Variants in BAZ2B observed in about 807,000 individuals in gnomAD.
The protein encoded by BAZ2B is bromodomain adjacent to zinc finger domain 2B.
A neutral mutation model predicts 246.0 loss-of-function variants in BAZ2B; 91 were observed. The ratio of observed to expected loss-of-function variants is 0.37; its 90% confidence interval spans 0.31 to 0.44. The LOEUF (loss-of-function observed/expected upper bound fraction) is 0.44, where lower values mean the gene tolerates loss of function less well. Among genes scored for constraint, BAZ2B ranks in the 20% least tolerant of loss-of-function variants. The pLI is 1.00. For synonymous variants in BAZ2B, 855 were observed against 860.0 expected (o/e 0.99, Z 0.10); for missense variants, 2,332 against 2,533.7 (o/e 0.92, Z 1.71).
chr2:159,402,116 A>G (rs1042520658), intron 16 of BAZ2B, among the ~76,000 whole-genome samples: 1 of 152,196 alleles, frequency 6.6e-6, no homozygotes, highest in African/African-American at 2.4e-5. Flanking sequence ...TGATCTTATC[A>G]TGGTACTGAA....
In BAZ2B at chr2:159,484,251, A is replaced by C. The variant is rs888456723; in HGVS notation, c.-2-5530T>G. Among the ~76,000 whole-genome samples the C allele has an allele frequency of 2.0e-5, 3 of 152,232 alleles. No individual in the cohort carries two copies. In the South Asian group the frequency reaches 6.2e-4, roughly 32 times the overall value. ...GTATTATTTGAAATTCAACTAGCTA[A>C]AACTTTAATAGTAATTCTATATAAC... On this transcript the variant is annotated intron_variant, in intron 2 of 36. Transcript: ENST00000392783.
chr2:159,337,226 G>T, intron 32 of BAZ2B, 149 bp from the exon 33 acceptor site: 1 of 1,106,008 alleles, frequency 9.0e-7, no homozygotes, highest in Non-Finnish European at 1.3e-6. Context: ...TTGATGTAGT[G>T]CACAGACTGT....
chr2:159,493,392 C>T (rs1327333491), intron 2 of BAZ2B, among the ~76,000 whole-genome samples: 1 of 152,194 alleles, frequency 6.6e-6, no homozygotes, highest in East Asian at 1.9e-4. Context: ...GAAATCCTCT[C>T]ACTTAGTGAG....
the BAZ2B span, among the ~76,000 whole-genome samples, chr2:159,652,299 TC>T: frequency 2.6e-5 from 4 of 151,440 alleles, no homozygotes. Context: ...AACCTCCACC[TC>T]CCGGATTCAA....
chr2:159,586,974 T>G (rs1046812457), intron 1 of BAZ2B, among the ~76,000 whole-genome samples: 11 of 152,164 alleles, frequency 7.2e-5, no homozygotes, highest in African/African-American at 2.7e-4. Context: ...TAGACATACC[T>G]TCCTAAAACC....
intron 1 of BAZ2B, among the ~76,000 whole-genome samples, chr2:159,585,591 G>A (rs1042423664): frequency 6.6e-6 from 1 of 152,146 alleles, no homozygotes; most frequent in African/African-American, 2.4e-5. Flanking sequence ...GCAAATAATG[G>A]TTAAAAGCCA....
chr2:159,429,624 G>C (rs893122362), intron 10 of BAZ2B, among the ~76,000 whole-genome samples: 1 of 152,016 alleles, frequency 6.6e-6, no homozygotes, highest in African/African-American at 2.4e-5. Context: ...AGGAGTTTTT[G>C]GATGCTGAAA....
At chr2:159,566,384 G>A (rs1032974949) in intron 1 of BAZ2B, among the ~76,000 whole-genome samples, 1 of 152,172 alleles carries the variant, frequency 6.6e-6, no homozygotes, top group African/African-American at 2.4e-5. Flanking sequence ...GTGTAAAAAC[G>A]TCATGTACAG....
chr2:159,440,203 T>A (rs959522429), intron 6 of BAZ2B, among the ~76,000 whole-genome samples: 2 of 152,168 alleles, frequency 1.3e-5, no homozygotes, highest in Admixed American at 6.5e-5. Context: ...AACATTGAAA[T>A]GATGGAGCCA....
At chr2:159,603,888 A>G (rs1213802538) in intron 1 of BAZ2B, among the ~76,000 whole-genome samples, 1 of 152,216 alleles carries the variant, frequency 6.6e-6, no homozygotes, top group Non-Finnish European at 1.5e-5. Context: ...TAGGTTCATG[A>G]CACTAACCTG....
At chr2:159,607,989 G>A (rs543890810) in intron 1 of BAZ2B, among the ~76,000 whole-genome samples, 9 of 152,282 alleles carry the variant, frequency 5.9e-5, no homozygotes, top group African/African-American at 2.2e-4. Context: ...TATCAAATAT[G>A]TGCAATTCTG....
At chr2:159,698,559 G>T in the BAZ2B span, among the ~76,000 whole-genome samples, 3 of 149,056 alleles carry the variant, frequency 2.0e-5, no homozygotes, top group Non-Finnish European at 4.4e-5. Flanking sequence ...AGAATGTTTA[G>T]CCCTTTCTAG....
chr2:159,322,203 G>C (rs552098943), intron 36 of BAZ2B, among the ~76,000 whole-genome samples: 40 of 152,280 alleles, frequency 2.6e-4, no homozygotes, highest in South Asian at 2.5e-3. Context: ...TGTGCTCACA[G>C]AGTTAAGTCA....
the BAZ2B span, among the ~76,000 whole-genome samples, chr2:159,672,913 A>G: frequency 2.6e-5 from 4 of 152,222 alleles, no homozygotes; most frequent in African/African-American, 9.6e-5. Context: ...CAAAGAGTGA[A>G]AGAAAACATA....
At chr2:159,503,307 C>T (rs907544169) in intron 2 of BAZ2B, among the ~76,000 whole-genome samples, 4 of 152,088 alleles carry the variant, frequency 2.6e-5, no homozygotes, top group African/African-American at 9.7e-5. Flanking sequence ...CAACTTCTTG[C>T]CATTCCCAAA....
chr2:159,640,173 T>C, the BAZ2B span, among the ~76,000 whole-genome samples: 5 of 152,150 alleles, frequency 3.3e-5, no homozygotes, highest in African/African-American at 1.2e-4. Context: ...AATACTTATA[T>C]ATCCAACACT....
At chr2:159,639,851 T>A in the BAZ2B span, among the ~76,000 whole-genome samples, 1 of 151,944 alleles carries the variant, frequency 6.6e-6, no homozygotes, top group African/African-American at 2.4e-5. Context: ...TCCCTACTTA[T>A]CAATAATAAC....
the BAZ2B span, among the ~76,000 whole-genome samples, chr2:159,686,771 G>C: frequency 6.6e-6 from 1 of 152,114 alleles, no homozygotes; most frequent in Non-Finnish European, 1.5e-5. Flanking sequence ...GGCCAGGCGT[G>C]GTGGCTCACA....
Position 159,337,640 on chromosome 2 carries a change from C to T in BAZ2B, c.5587G>A (p.Glu1863Lys). The T allele has an allele frequency of 6.2e-7, 1 of 1,614,222 alleles. No individual in the cohort carries two copies. The change falls in exon 32 of 37, where the codon GAA becomes AAA. Residue 1863 changes from glutamate (E) to lysine (K), a missense_variant. Physicochemically the swap from Glu to Lys is moderately conservative, Grantham distance 56 (BLOSUM62 1). Coordinates refer to ENST00000392783, the MANE Select transcript of BAZ2B (RefSeq NM_013450.4). ...TCTAGGGGGTTGTCACTCTTCCGTT[C>T]TAGTGCATGTGCACTGCTTTCGTCT... ...GEDESSAHAL[E>K]RKSDNPLDIA...
Sources: allele counts gnomAD v4.1 joint callset (sites outside exome capture counted in the v4.1 genomes callset), GRCh38; gene constraint gnomAD v4.1.1; transcripts MANE v1.5; gene names NCBI Gene and HGNC (gene_info 2026-07-23, HGNC 2026-07-21).